The following ZNF536 variants were observed in gnomAD, a reference collection of about 807,000 sequenced individuals.
The protein encoded by ZNF536 is zinc finger protein 536.
A neutral mutation model predicts 84.5 loss-of-function variants in ZNF536; 13 were observed. The observed-to-expected ratio is 0.15, with a 90% confidence interval of 0.10 to 0.24. The LOEUF is 0.24. Among genes scored for constraint, ZNF536 ranks in the 10% least tolerant of loss-of-function variants. The probability of loss-of-function intolerance (pLI) is 1.00; values close to 1 mark genes in which losing one functional copy is unlikely to be tolerated. For synonymous variants in ZNF536, 811 were observed against 742.5 expected (o/e 1.09, Z -1.50); for missense variants, 1,536 against 1,747.5 (o/e 0.88, Z 2.16).
chr19:30,548,708 G>A lies in ZNF536; in HGVS notation c.3089G>A (p.Arg1030His), dbSNP rs759934475. ...GCCAACCACCTGGGCAAAGCGAAAC[G>A]CAAAGATAACACCATCGGGGTCACA... Reference protein sequence around the residue: ...LQANHLGKAKRKDNTIGVTVN... With the variant: ...LQANHLGKAKHKDNTIGVTVN... The change falls in exon 4 of 5, where the codon CGC (arginine) becomes CAC (histidine). Residue 1030 changes from arginine to histidine, a missense_variant. Arg to His is a conservative substitution (Grantham distance 29). Around this residue, in one of 8 missense-constraint regions of ZNF536, gnomAD observed 624 missense variants for 603.1 expected, o/e 1.03. Coordinates refer to ENST00000355537, the MANE Select transcript of ZNF536 (RefSeq NM_014717.3). 2.0e-5 allele frequency: 32 copies of A among 1,613,824 alleles called. No individual in the cohort carries two copies. The highest frequency in any genetic ancestry group is 2.4e-5 in the Non-Finnish European group (28 of 1,180,030).
In ZNF536 at chr19:30,663,666, T is replaced by C. The variant is rs1411124974; in HGVS notation, c.170-47091T>C. Among the ~76,000 whole-genome samples the C allele has an allele frequency of 3.9e-5, 6 of 152,256 alleles. No individual in the cohort carries two copies. The East Asian group carries it at 1.2e-3, about 29-fold the overall frequency. On this transcript the variant is annotated intron_variant, in intron 1 of 1. Transcript: ENST00000592773. ...GAAATGTCAAAGAGTGCAGAATAGG[T>C]CTTGGAATTAACATGACAGTTAAGA...
intron 1 of ZNF536, among the ~76,000 whole-genome samples, chr19:30,405,714 T>A (rs934324647): frequency 6.6e-6 from 1 of 152,106 alleles, no homozygotes; most frequent in Non-Finnish European, 1.5e-5. Context: ...CTTTGCATCC[T>A]GCCTACTGGA....
At chr19:30,653,229 G>T (rs79040846) in intron 1 of ZNF536, among the ~76,000 whole-genome samples, 2,605 of 152,248 alleles carry the variant, frequency 0.017, 45 homozygotes, top group Middle Eastern at 0.061. Flanking sequence ...CAGTAGTTCT[G>T]GGGAGGACCC....
At chr19:30,254,295 TCATCTTCTA>T (rs2024788471) in intron 1 of ZNF536, among the ~76,000 whole-genome samples, 1 of 152,174 alleles carries the variant, frequency 6.6e-6, no homozygotes, top group African/African-American at 2.4e-5. Flanking sequence ...AATCCATCTG[TCATCTTCTA>T]GCAAGGAGGG....
At chr19:30,371,916 C>G (rs1452827015), upstream of ZNF536, among the ~76,000 whole-genome samples, 1 of 151,650 alleles carries the variant, frequency 6.6e-6, no homozygotes, top group Admixed American at 6.6e-5. Flanking sequence ...TAGATTCTTC[C>G]TTAAGTGTCA....
intron 1 of ZNF536, among the ~76,000 whole-genome samples, chr19:30,275,459 C>T (rs1201728033): frequency 2.0e-5 from 3 of 152,104 alleles, no homozygotes; most frequent in Admixed American, 6.5e-5. Flanking sequence ...TGTGTCTGAC[C>T]GGCGGACATC....
chr19:30,685,124 G>A (rs540755617), intron 1 of ZNF536, among the ~76,000 whole-genome samples: 1 of 152,124 alleles, frequency 6.6e-6, no homozygotes, highest in South Asian at 2.1e-4. Context: ...TGGGGGGAGG[G>A]GTCTTTATCA....
intron 1 of ZNF536, among the ~76,000 whole-genome samples, chr19:30,385,111 G>A (rs2049284484): frequency 6.6e-6 from 1 of 151,990 alleles, no homozygotes; most frequent in Non-Finnish European, 1.5e-5. Context: ...CTAACACCCG[G>A]ACTTGATGTT....
chr19:30,386,081 G>A (rs749342613), intron 1 of ZNF536, among the ~76,000 whole-genome samples: 10 of 152,082 alleles, frequency 6.6e-5, no homozygotes, highest in Non-Finnish European at 1.3e-4. Context: ...CTCAATACTG[G>A]TCCCATCCCA....
chr19:30,245,620 C>T (rs541664016), intron 1 of ZNF536, among the ~76,000 whole-genome samples: 14 of 152,220 alleles, frequency 9.2e-5, no homozygotes, highest in Non-Finnish European at 2.1e-4. Flanking sequence ...TCTCCCAGCC[C>T]ACCACGAGGT....
chr19:30,227,040 T>A (rs1438593595), upstream of ZNF536, among the ~76,000 whole-genome samples: 1 of 151,262 alleles, frequency 6.6e-6, no homozygotes, highest in Non-Finnish European at 1.5e-5. Flanking sequence ...AGTAGGAAAG[T>A]GTCCAGATCT....
intron 2 of ZNF536, among the ~76,000 whole-genome samples, chr19:30,288,966 C>A (rs1360214081): frequency 1.3e-5 from 2 of 152,180 alleles, no homozygotes; most frequent in Admixed American, 1.3e-4. Context: ...GGCATGTGGT[C>A]TTTCCAGCAT....
At chr19:30,446,846 C>T (rs763808984) in intron 2 of ZNF536, among the ~76,000 whole-genome samples, 27 of 104,896 alleles carry the variant, frequency 2.6e-4, no homozygotes, top group Non-Finnish European at 4.6e-4. Context: ...CAACAAAACA[C>T]GCTAGCCTCA....
intron 2 of ZNF536, among the ~76,000 whole-genome samples, chr19:30,523,155 A>G (rs1293601546): frequency 5.3e-5 from 8 of 152,114 alleles, no homozygotes; most frequent in Non-Finnish European, 1.2e-4. Context: ...GCGCGGGGGC[A>G]CTGCCAGGGA....
intron 1 of ZNF536, among the ~76,000 whole-genome samples, chr19:30,237,999 C>T (rs1202750857): frequency 5.3e-5 from 8 of 152,152 alleles, no homozygotes; most frequent in Admixed American, 4.6e-4. Context: ...GTAAGCAGCG[C>T]ATTTTGATCT....
At chr19:30,606,217 T>TGAA (rs2047868479) in intron 1 of ZNF536, among the ~76,000 whole-genome samples, 4 of 56,416 alleles carry the variant, frequency 7.1e-5, no homozygotes, top group Non-Finnish European at 1.3e-4. Flanking sequence ...TAAAATAAAA[T>TGAA]ATAAAATAAA....
At chr19:30,476,081 C>T (rs1017336607) in intron 2 of ZNF536, among the ~76,000 whole-genome samples, 6 of 152,140 alleles carry the variant, frequency 3.9e-5, no homozygotes, top group South Asian at 2.1e-4. Flanking sequence ...AGAACAAATG[C>T]GGCTGTTGGT....
intron 1 of ZNF536, among the ~76,000 whole-genome samples, chr19:30,232,658 TG>T (rs1411271877): frequency 6.6e-6 from 1 of 152,216 alleles, no homozygotes; most frequent in Non-Finnish European, 1.5e-5. Flanking sequence ...ATCAAGCACT[TG>T]GCTTTTCACA....
At chr19:30,490,097 T>C (rs886536656) in intron 2 of ZNF536, among the ~76,000 whole-genome samples, 13 of 152,316 alleles carry the variant, frequency 8.5e-5, no homozygotes, top group East Asian at 3.9e-4. Context: ...TCTGACTTAG[T>C]CCAAGTTCAT....
Sources: allele counts gnomAD v4.1 joint callset (sites outside exome capture counted in the v4.1 genomes callset), GRCh38; gene constraint gnomAD v4.1.1; regional missense constraint gnomAD v4.1.1; transcripts MANE v1.5; gene names NCBI Gene and HGNC (gene_info 2026-07-23, HGNC 2026-07-21).